SHC3: variants seen among roughly 807,000 people sequenced by gnomAD.
The protein encoded by SHC3 is SHC-transforming protein 3.
SHC3 carries 15 observed loss-of-function variants against 60.4 expected under a neutral mutation model. The ratio of observed to expected loss-of-function variants is 0.25; its 90% CI spans 0.17 to 0.38. The LOEUF is 0.38. SHC3 is among the 10% of genes least tolerant of loss of function. The probability of loss-of-function intolerance (pLI) is 1.00; values close to 1 mark genes in which losing one functional copy is unlikely to be tolerated. For synonymous variants in SHC3, 294 were observed against 325.9 expected, an observed-to-expected ratio of 0.90 and a Z score of 1.05; for missense variants, 677 against 786.1, an observed-to-expected ratio of 0.86 and a Z score of 1.66.
chr9:89,154,288 G>A (rs1826590327), intron 1 of SHC3, among the ~76,000 whole-genome samples: 14 of 151,832 alleles, frequency 9.2e-5, no homozygotes, highest in Admixed American at 9.2e-4. Context: ...TTCCAATGTG[G>A]CCCAGGGAAG....
chr9:89,173,048 T>G (rs1333189626), intron 1 of SHC3, among the ~76,000 whole-genome samples: 1 of 152,248 alleles, frequency 6.6e-6, no homozygotes, highest in Non-Finnish European at 1.5e-5. Flanking sequence ...CCACCATTTC[T>G]GCCTCGGCCA....
intron 6 of SHC3, among the ~76,000 whole-genome samples, chr9:89,060,954 G>T (rs1460765298): frequency 3.3e-5 from 5 of 152,152 alleles, no homozygotes; most frequent in Admixed American, 2.0e-4. Flanking sequence ...GGAGGAAAGT[G>T]CTGGACCTAT....
intron 11 of SHC3, among the ~76,000 whole-genome samples, chr9:89,035,800 T>C (rs986019142): frequency 1.5e-5 from 2 of 131,884 alleles, no homozygotes; most frequent in Non-Finnish European, 3.3e-5. Context: ...CTACTAAAAA[T>C]ACAAAAACAA....
intron 2 of SHC3, among the ~76,000 whole-genome samples, chr9:89,090,837 A>G (rs1825610686): frequency 6.6e-6 from 1 of 152,262 alleles, no homozygotes; most frequent in Non-Finnish European, 1.5e-5. Flanking sequence ...AAGGAAATGA[A>G]TATCAGGGTT....
At chr9:89,047,998 C>A (rs1415120294) in intron 7 of SHC3, among the ~76,000 whole-genome samples, 1 of 152,290 alleles carries the variant, frequency 6.6e-6, no homozygotes, top group East Asian at 1.9e-4. Context: ...GTAATCCCAG[C>A]ATTTTGGGAG....
chr9:89,163,048 C>T (rs1399730885), intron 1 of SHC3, among the ~76,000 whole-genome samples: 2 of 141,910 alleles, frequency 1.4e-5, no homozygotes, highest in African/African-American at 5.3e-5. Context: ...AATGAGATAC[C>T]ATCTCACACC....
chr9:89,105,379 AAT>A lies in SHC3; in HGVS notation c.545+7175_545+7176del, dbSNP rs1488418845. ...TCGGATCCTGTATCCTCATCCCCAA[AAT>A]ACACACAATCTGCCTCCCAAGGTTA... On this transcript the variant is annotated intron_variant, in intron 2 of 11. Transcript: ENST00000375835. 2.0e-5 allele frequency among the ~76,000 whole-genome samples: 3 copies of A among 152,084 alleles called. No individual in the cohort carries two copies. In the East Asian group the frequency reaches 5.8e-4, roughly 29 times the overall value.
intron 1 of SHC3, among the ~76,000 whole-genome samples, chr9:89,169,673 T>C (rs1016586213): frequency 6.7e-6 from 1 of 149,732 alleles, no homozygotes; most frequent in African/African-American, 2.5e-5. Flanking sequence ...CCCGAAAGTC[T>C]GGAAACCACT....
intron 6 of SHC3, among the ~76,000 whole-genome samples, chr9:89,054,421 A>G (rs578007490): frequency 6.6e-6 from 1 of 152,326 alleles, no homozygotes; most frequent in East Asian, 1.9e-4. Context: ...CTTCTATAAA[A>G]TGGCCTCTAC....
chr9:89,110,121 G>C, intron 2 of SHC3: 3 of 985,350 alleles, frequency 3.0e-6, no homozygotes, highest in Non-Finnish European at 3.6e-6. Context: ...CCTTTCACAA[G>C]TTTGATTTGG....
rs1824616914 is a variant in SHC3 at position 89,038,250 on chromosome 9, G to A, written c.1399C>T (p.Pro467Ser). ...ACGGAGGCTGCCTTGCTTAACACGGGCCCCAAGGGCTGGTTCTTGAGAGCA... is the reference window on the plus strand; with the variant it reads ...ACGGAGGCTGCCTTGCTTAACACGGACCCCAAGGGCTGGTTCTTGAGAGCA... ...EDALKNQPLG[P>S]VLSKAASVEC... Residue 467 changes from proline to serine, a missense_variant, in exon 11 of 12, where the codon CCC becomes TCC. By Grantham distance (74) the Pro-to-Ser change is moderately conservative (BLOSUM62 -1). Transcript: ENST00000375835. The A allele has an allele frequency of 1.9e-6, 3 of 1,613,708 alleles. No individual in the cohort carries two copies. In the South Asian group the frequency reaches 3.3e-5, roughly 18 times the overall value.
At chr9:89,173,817 TC>T (rs1249929451) in intron 1 of SHC3, among the ~76,000 whole-genome samples, 1 of 152,200 alleles carries the variant, frequency 6.6e-6, no homozygotes, top group Non-Finnish European at 1.5e-5. Context: ...CAACTCACTA[TC>T]CAGATCAAAT....
chr9:89,096,546 C>A (rs1311173148), intron 2 of SHC3, among the ~76,000 whole-genome samples: 2 of 152,208 alleles, frequency 1.3e-5, no homozygotes, highest in Non-Finnish European at 2.9e-5. Flanking sequence ...TAAAGTGTGA[C>A]TGCAAATATG....
intron 2 of SHC3, among the ~76,000 whole-genome samples, chr9:89,089,542 T>C (rs1023186241): frequency 9.9e-5 from 15 of 152,184 alleles, no homozygotes; most frequent in African/African-American, 3.4e-4. Flanking sequence ...TGCTGGGTTT[T>C]ATGCCCCCCG....
intron 1 of SHC3, among the ~76,000 whole-genome samples, chr9:89,152,248 G>T (rs1826555638): frequency 1.3e-5 from 2 of 152,224 alleles, no homozygotes; most frequent in Non-Finnish European, 2.9e-5. Flanking sequence ...TGTGAATTGG[G>T]CATCTCTTTA....
chr9:89,123,194 A>C (rs1032159062), intron 1 of SHC3, among the ~76,000 whole-genome samples: 1 of 152,196 alleles, frequency 6.6e-6, no homozygotes, highest in Non-Finnish European at 1.5e-5. Context: ...CTGTGGTTAT[A>C]CTTCTGTTTT....
chr9:89,110,256 G>C, intron 2 of SHC3: 10 of 985,316 alleles, frequency 1.0e-5, no homozygotes, highest in Non-Finnish European at 1.2e-5. Flanking sequence ...AGCCGTAGGG[G>C]CAAAATTTTA....
intron 1 of SHC3, among the ~76,000 whole-genome samples, chr9:89,176,119 C>T (rs894614906): frequency 6.6e-6 from 1 of 152,196 alleles, no homozygotes; most frequent in Admixed American, 6.5e-5. Context: ...TCATGCCATG[C>T]ACCCCTCAAC....
rs146566895 is a variant in SHC3 at position 89,084,258 on chromosome 9, C to A, written c.546-6355G>T. On this transcript the variant is annotated intron_variant, in intron 2 of 11. Coordinates refer to ENST00000375835, the MANE Select transcript of SHC3 (RefSeq NM_016848.6). ...CATTCTCCTGAGACCTCATTCTGTGCTTCAGCCTTTGGTTTACTCCAGAAA... is the reference window on the plus strand; with the variant it reads ...CATTCTCCTGAGACCTCATTCTGTGATTCAGCCTTTGGTTTACTCCAGAAA... Among the ~76,000 whole-genome samples the A allele has an allele frequency of 2.6e-5, 4 of 152,314 alleles. No homozygotes were observed. In the East Asian group the frequency reaches 7.7e-4, roughly 29 times the overall value.
Sources: allele counts gnomAD v4.1 joint callset (sites outside exome capture counted in the v4.1 genomes callset), GRCh38; gene constraint gnomAD v4.1.1; transcripts MANE v1.5; gene names NCBI Gene and HGNC (gene_info 2026-07-23, HGNC 2026-07-21).